AGAP1: variants seen among roughly 807,000 people sequenced by gnomAD.
AGAP1 encodes the protein ArfGAP with GTPase domain, ankyrin repeat and PH domain 1.
Under a neutral mutation model 105.3 loss-of-function variants are expected in AGAP1, and 29 were observed. The observed-to-expected ratio is 0.28, with a 90% CI of 0.21 to 0.38. AGAP1 has a LOEUF of 0.38. AGAP1 is among the 10% of genes least tolerant of loss of function. The probability of loss-of-function intolerance (pLI) is 1.00; values close to 1 mark genes in which losing one functional copy is unlikely to be tolerated. For synonymous variants in AGAP1, 509 were observed against 485.9 expected (o/e 1.05, Z -0.63); for missense variants, 998 against 1,165.1 (o/e 0.86, Z 2.09).
At chr2:235,584,902 CTTTTTT>C (rs10629736) in intron 1 of AGAP1, among the ~76,000 whole-genome samples, 1 of 98,534 alleles carries the variant, frequency 1.0e-5, no homozygotes, top group Non-Finnish European at 1.8e-5. Context: ...AAGTCATTAC[CTTTTTT>C]TTTTTTTTTT....
chr2:235,682,245 C>G (rs1949116427), intron 1 of AGAP1, among the ~76,000 whole-genome samples: 1 of 152,036 alleles, frequency 6.6e-6, no homozygotes, highest in Non-Finnish European at 1.5e-5. Flanking sequence ...TTGTGGACTC[C>G]TCCTTTCAAG....
In AGAP1 at chr2:236,007,244, A is replaced by T. The variant is rs1001092471; in HGVS notation, c.1646-29317A>T. On this transcript the variant is annotated intron_variant, in intron 13 of 17. Transcript: ENST00000304032. ...AGCCACACGTCAGGATACTTTTGGG[A>T]ATTTCCAGAGAAGTCCTTAAATGGA... is the stretch of plus-strand genomic sequence containing the variant. 1.1e-4 allele frequency among the ~76,000 whole-genome samples: 16 copies of T among 152,360 alleles called. No individual in the cohort carries two copies. In the East Asian group the frequency reaches 2.9e-3, roughly 28 times the overall value.
chr2:236,043,773 T>C (rs2057633375), intron 15 of AGAP1, among the ~76,000 whole-genome samples: 1 of 151,040 alleles, frequency 6.6e-6, no homozygotes, highest in Admixed American at 6.6e-5. Context: ...AGAAACTTCA[T>C]AATGTGTTGT....
rs1162423291 is a variant in AGAP1 at position 235,754,938 on chromosome 2, G to A, written c.673+4450G>A. 7.9e-5 allele frequency among the ~76,000 whole-genome samples: 12 copies of A among 152,256 alleles called. No homozygotes were observed. Among genetic ancestry groups the A allele is most frequent in the South Asian group, 4.1e-4 (2 of 4,834 alleles). On this transcript the variant is annotated intron_variant, in intron 6 of 17. Coordinates refer to ENST00000304032, the MANE Select transcript of AGAP1 (RefSeq NM_001037131.3). The surrounding 1 kb of genome is among the most constrained non-coding windows in gnomAD (Gnocchi z 4.6). ...CCAGGCTGCTTTCTGGGGGTGGAGC[G>A]TTCTCGCTCCTGCTCACAGGCGAGT...
Position 235,934,022 on chromosome 2 carries a change from CAA to C in AGAP1, c.1483+3101_1483+3102del, listed in dbSNP as rs1436497724. Among the ~76,000 whole-genome samples, 1 of 152,192 alleles carries C rather than the reference CAA, an allele frequency of 6.6e-6. No homozygotes were observed. Among genetic ancestry groups the C allele is most frequent in the Non-Finnish European group, 1.5e-5 (1 of 68,024 alleles). On this transcript the variant is annotated intron_variant, in intron 12 of 17. Coordinates refer to ENST00000304032, the MANE Select transcript of AGAP1 (RefSeq NM_001037131.3). This position sits in a 1 kb window ranked among gnomAD's most constrained non-coding sequence, Gnocchi z 4.9. The stretch of plus-strand genomic sequence containing the variant: ...ACAGAAGGATTAAATGTCACTTGCT[CAA>C]AGTCACATCCTGTGAGGGGCCAGGA...
chr2:235,732,724 A>T lies in AGAP1; in HGVS notation c.311-8239A>T, dbSNP rs1952024662. Among the ~76,000 whole-genome samples the T allele has an allele frequency of 6.6e-6, 1 of 152,080 alleles. No homozygotes were observed. The highest frequency in any genetic ancestry group is 1.5e-5 in the Non-Finnish European group (1 of 68,016). On this transcript the variant is annotated intron_variant, in intron 3 of 17. Coordinates refer to ENST00000304032, the MANE Select transcript of AGAP1 (RefSeq NM_001037131.3). This position sits in a 1 kb window ranked among gnomAD's most constrained non-coding sequence, Gnocchi z 4.8. ...TTGTCTTTCCCTGAGACCGATGCTG[A>T]CCACTGGGAAGACTTCTCCCTCATT...
At position 235,900,774 on chromosome 2, in the gene AGAP1, C is replaced by T. The variant is rs1575734442; in HGVS notation, c.1156-7964C>T. On this transcript the variant is annotated intron_variant, in intron 10 of 17. Transcript: ENST00000304032. This position sits in a 1 kb window ranked among gnomAD's most constrained non-coding sequence, Gnocchi z 5.5. ...TAAGCATGAGCTGTTTGCCTCTGTG[C>T]ATGCTACACATCTGATTGGCCAGGT... Among the ~76,000 whole-genome samples the T allele has an allele frequency of 6.6e-6, 1 of 152,186 alleles. No homozygotes were observed. The highest frequency in any genetic ancestry group is 1.9e-4 in the East Asian group (1 of 5,178).
At chr2:235,524,451 A>G (rs920092460) in intron 1 of AGAP1, 4 of 263,510 alleles carry the variant, frequency 1.5e-5, no homozygotes, top group Non-Finnish European at 2.5e-5. Context: ...CTTTGAGCTG[A>G]GAATCTGGAG....
chr2:235,840,743 T>C lies in AGAP1; in HGVS notation c.1050+33412T>C, dbSNP rs529126602. ...AGGACCGATGGACAGGTTGATTCGA[T>C]GTGGAGGATGAAGGAGAAAGAAGAG... On this transcript the variant is annotated intron_variant, in intron 9 of 17. Coordinates refer to ENST00000304032, the MANE Select transcript of AGAP1 (RefSeq NM_001037131.3). Among the ~76,000 whole-genome samples the C allele has an allele frequency of 2.0e-5, 3 of 149,860 alleles. No homozygotes were observed. In the South Asian group the frequency reaches 6.5e-4, roughly 32 times the overall value.
chr2:235,943,074 A>G (rs2053335426), intron 12 of AGAP1, among the ~76,000 whole-genome samples: 1 of 152,232 alleles, frequency 6.6e-6, no homozygotes, highest in Admixed American at 6.5e-5. Flanking sequence ...TGTTCTCAAC[A>G]TTAGAACGTC....
intron 13 of AGAP1, among the ~76,000 whole-genome samples, chr2:235,984,462 A>T (rs1575969074): frequency 6.9e-6 from 1 of 144,828 alleles, no homozygotes; most frequent in Non-Finnish European, 1.5e-5. Flanking sequence ...TCAAGGAACC[A>T]CCAAATTCTT....
In AGAP1 at chr2:235,739,094, C is replaced by CTT. The variant is rs1221730088; in HGVS notation, c.311-1867_311-1866dup. The stretch of plus-strand genomic sequence containing the variant: ...ACTGGGTCGGGTACTGTTCAGGGTG[C>CTT]TTTGTGTCAACTTATTACTCCTCGC... On this transcript the variant is annotated intron_variant, in intron 3 of 17. Coordinates refer to ENST00000304032, the MANE Select transcript of AGAP1 (RefSeq NM_001037131.3). This position sits in a 1 kb window ranked among gnomAD's most constrained non-coding sequence, Gnocchi z 5.3. Among the ~76,000 whole-genome samples the CTT allele has an allele frequency of 6.6e-6, 1 of 152,156 alleles. No individual in the cohort carries two copies. The highest frequency in any genetic ancestry group is 1.5e-5 in the Non-Finnish European group (1 of 68,046).
intron 16 of AGAP1, among the ~76,000 whole-genome samples, chr2:236,118,387 CTTTTTTTTTTT>C (rs529993131): frequency 1.7e-5 from 2 of 116,294 alleles, no homozygotes; most frequent in African/African-American, 6.4e-5. Flanking sequence ...TTTTCTTTTT[CTTTTTTTTTTT>C]TTTTTTTTCG....
At position 236,071,889 on chromosome 2, in the gene AGAP1, C is replaced by T. The variant is rs192054330; in HGVS notation, c.2114+22608C>T. 1.8e-3 allele frequency among the ~76,000 whole-genome samples: 276 copies of T among 152,224 alleles called. 1 individual carries two copies. The highest frequency in any genetic ancestry group is 6.5e-3 in the African/African-American group (270 of 41,560). On this transcript the variant is annotated intron_variant, in intron 16 of 17. Coordinates refer to ENST00000304032, the MANE Select transcript of AGAP1 (RefSeq NM_001037131.3). ...GCTGCCTGCGGCTGGCACACAGAGT[C>T]GTAATTTTTCTTGGTTTTAAAAACC...
rs908594408 is a variant in AGAP1, at chr2:235,556,688, G to T, written c.163+61839G>T. Among the ~76,000 whole-genome samples, 1 of 152,218 alleles carries T rather than the reference G, an allele frequency of 6.6e-6. No individual in the cohort carries two copies. The highest frequency in any genetic ancestry group is 2.4e-5 in the African/African-American group (1 of 41,450). ...TATATGTAAATTAACACAAATGAATGTAAGATAGTTATATGTGTCTACTGC... is the reference window on the plus strand; with the variant it reads ...TATATGTAAATTAACACAAATGAATTTAAGATAGTTATATGTGTCTACTGC... On this transcript the variant is annotated intron_variant, in intron 1 of 17. Coordinates refer to ENST00000304032, the MANE Select transcript of AGAP1 (RefSeq NM_001037131.3). The surrounding 1 kb of genome is among the most constrained non-coding windows in gnomAD (Gnocchi z 5.3).
At chr2:235,972,531 A>G (rs564176804) in intron 13 of AGAP1, among the ~76,000 whole-genome samples, 3 of 152,214 alleles carry the variant, frequency 2.0e-5, no homozygotes, top group East Asian at 3.9e-4. Context: ...GAGGGCAACT[A>G]TTTGGGAAAG....
rs1559220653 is a variant in AGAP1, at chr2:235,521,737, TA to T, written c.163+26889del. Among the ~76,000 whole-genome samples, 1,214 of 129,956 alleles carry T rather than the reference TA, an allele frequency of 9.3e-3. 17 individuals carry two copies. Among genetic ancestry groups the T allele is most frequent in the African/African-American group, 0.034 (999 of 29,770 alleles). The allele number at this position is 129,956 out of a possible 152,430, so 85.3% of individuals were successfully genotyped here. A position where few individuals can be genotyped will look rare whatever the true frequency, so the allele number is the denominator to read the frequency against. ...TCCAGTTTCTTGTTTTTGTTTGTTA[TA>T]TATATGTGTGTGTGTGTGTGTGTGT... On this transcript the variant is annotated intron_variant, in intron 1 of 17. Transcript: ENST00000304032.
In AGAP1 at chr2:235,885,557, A is replaced by C. The variant is rs140775550; in HGVS notation, c.1155+2108A>C. Among the ~76,000 whole-genome samples, 5 of 152,310 alleles carry C rather than the reference A, an allele frequency of 3.3e-5. No individual in the cohort carries two copies. In the East Asian group the frequency reaches 9.7e-4, roughly 29 times the overall value. On this transcript the variant is annotated intron_variant, in intron 10 of 17. Transcript: ENST00000304032. ...GTCAAATTCCCAGAAAGGTTGTATC[A>C]GTTTATCTCATCTGGCAGTGTATAA...
At position 236,109,531 on chromosome 2, in the gene AGAP1, G is replaced by A. The variant is rs1171755194; in HGVS notation, c.2115-10661G>A. Among the ~76,000 whole-genome samples the A allele has an allele frequency of 1.3e-5, 2 of 152,182 alleles. No homozygotes were observed. The highest frequency in any genetic ancestry group is 1.3e-4 in the Admixed American group (2 of 15,284). ...CCTCTGTAATGGCAGAAGTGTTCTC[G>A]ATCAGCAGCCTTGGAAATGTCCTAG... On this transcript the variant is annotated intron_variant, in intron 16 of 17. Transcript: ENST00000304032. The surrounding 1 kb of genome is among the most constrained non-coding windows in gnomAD (Gnocchi z 5.4).
Sources: gnomAD v4.1 joint callset for allele counts (sites outside exome capture counted in the v4.1 genomes callset) on GRCh38, gnomAD v4.1.1 for gene constraint, Gnocchi (gnomAD v3.1) non-coding constraint, MANE v1.5 for transcripts, NCBI Gene and HGNC (gene_info 2026-07-23, HGNC 2026-07-21) for gene names.